IL17RE: variants seen among roughly 807,000 people sequenced by gnomAD.
IL17RE encodes the protein interleukin 17 receptor E.
In IL17RE, 47 loss-of-function variants were observed where a neutral mutation model predicts 70.7. The ratio of observed to expected loss-of-function variants is 0.67; its 90% CI spans 0.53 to 0.85. IL17RE has a LOEUF of 0.85. Ranked by LOEUF, IL17RE falls within the 40% of genes least tolerant of loss-of-function variation. The pLI is 0.00. For missense variants in IL17RE, 850 were observed against 893.9 expected (o/e 0.95, Z 0.63); for synonymous variants, 372 against 381.2 (o/e 0.98, Z 0.28).
In IL17RE at chr3:9,916,008, G is replaced by A. The variant is rs535100728; in HGVS notation, c.*201G>A. ...CCTCTTCCTCCTCATACTTTCCCTT[G>A]ACTGAGAGCTCCTCTAACCCCTGTT... On this transcript the variant is annotated 3_prime_UTR_variant, in exon 16 of 16. Transcript: ENST00000383814. 1.1e-6 allele frequency: 1 copy of A among 927,264 alleles called. No individual in the cohort carries two copies. The highest frequency in any genetic ancestry group is 1.5e-6 in the Non-Finnish European group (1 of 682,546). The allele number at this position is 927,264 out of a possible 1,614,324, so 57.4% of individuals were successfully genotyped here.
chr3:9,909,412 A>G (rs1055481745), intron 8 of IL17RE, 129 bp downstream of exon 8: 1 of 829,954 alleles, frequency 1.2e-6, no homozygotes, highest in African/African-American at 1.7e-5. Context: ...AGTCCCCAGA[A>G]GGCATGCAGG....
rs754754374 is a variant in IL17RE at position 9,914,452 on chromosome 3, G to C, written c.1297-96G>C. On this transcript the variant is annotated intron_variant, in intron 13 of 15. Transcript: ENST00000383814. Reference sequence around the variant, plus strand: ...CCACCTGGGAAGAATTCCCTAGCCAGTGGGGACTCCCCTCTCCCCCAGCTC... The same window carrying C: ...CCACCTGGGAAGAATTCCCTAGCCACTGGGGACTCCCCTCTCCCCCAGCTC... 11 of 1,565,754 alleles carry C rather than the reference G, an allele frequency of 7.0e-6. No homozygotes were observed. The African/African-American group carries it at 1.5e-4, about 21-fold the overall frequency.
chr3:9,905,369 T>C (rs2082729095), intron 3 of IL17RE, among the ~76,000 whole-genome samples: 1 of 151,666 alleles, frequency 6.6e-6, no homozygotes, highest in Non-Finnish European at 1.5e-5. Context: ...GGTGAGAGGA[T>C]TGCTTAAGCC....
At position 9,914,781 on chromosome 3, in the gene IL17RE, A is replaced by G. The variant is rs1399415538; in HGVS notation, c.1447+4A>G. 1.2e-6 allele frequency: 2 copies of G among 1,612,862 alleles called. No homozygotes were observed. The highest frequency in any genetic ancestry group is 1.7e-6 in the Non-Finnish European group (2 of 1,179,632). On this transcript the variant is annotated splice_donor_region_variant and intron_variant, in intron 15 of 15. Coordinates refer to ENST00000383814, the MANE Select transcript of IL17RE (RefSeq NM_153480.2). ...ACCTGCCGGCGCCCACAGTCAGGTA[A>G]GCTCACCTGGGGTAACCTGGGAAGT...
chr3:9,911,393 C>T lies in IL17RE; in HGVS notation c.1073-50C>T, dbSNP rs200740408. 733 of 1,612,696 alleles carry T rather than the reference C, an allele frequency of 4.5e-4. 2 individuals carry two copies. Among genetic ancestry groups the T allele is most frequent in the Non-Finnish European group, 3.1e-4 (361 of 1,178,784 alleles). ...CTAAACCCCAGCCCAGCCCTGAATT[C>T]ATCACCCAAAGCCCAACTCCTATCA... On this transcript the variant is annotated intron_variant, in intron 11 of 15. Coordinates refer to ENST00000383814, the MANE Select transcript of IL17RE (RefSeq NM_153480.2).
At position 9,911,044 on chromosome 3, in the gene IL17RE, A is replaced by T. The variant is rs188855234; in HGVS notation, c.978+4A>T. ...CACAGCTCGAGAGTCAGATGGGGTG[A>T]GGACAGGTTCCCCCAGGACCAGGGT... On this transcript the variant is annotated splice_donor_region_variant and intron_variant, in intron 9 of 15. Coordinates refer to ENST00000383814, the MANE Select transcript of IL17RE (RefSeq NM_153480.2). 2 of 1,614,110 alleles carry T rather than the reference A, an allele frequency of 1.2e-6. No homozygotes were observed. Among genetic ancestry groups the T allele is most frequent in the Admixed American group, 3.3e-5 (2 of 60,012 alleles).
rs145320586 is a variant in IL17RE at position 9,907,041 on chromosome 3, C to T, written c.607C>T (p.Arg203Cys). 6.8e-6 allele frequency: 11 copies of T among 1,614,118 alleles called. No homozygotes were observed. Among genetic ancestry groups the T allele is most frequent in the South Asian group, 2.2e-5 (2 of 91,070 alleles). ...TISSGPEVSV[R>C]LCHQWALECE... Reference sequence around the variant, plus strand: ...ATCTTCAGGCCCTGAGGTCAGCGTGCGTCTTTGTCACCAGTGGGCACTGGA... The same window carrying T: ...ATCTTCAGGCCCTGAGGTCAGCGTGTGTCTTTGTCACCAGTGGGCACTGGA... The change falls in exon 6 of 16, where the codon CGT (arginine) becomes TGT (cysteine). Residue 203 changes from arginine (R) to cysteine (C), a missense_variant. Transcript: ENST00000383814.
intron 6 of IL17RE, among the ~76,000 whole-genome samples, chr3:9,907,933 G>A (rs1333247011): frequency 2.0e-5 from 3 of 152,180 alleles, no homozygotes; most frequent in East Asian, 1.9e-4. Context: ...AGATCACTGT[G>A]ATGCTAGCAT....
At chr3:9,914,489 C>G in intron 13 of IL17RE, 59 bp from the exon 14 acceptor site, 2 of 1,605,420 alleles carry the variant, frequency 1.2e-6, no homozygotes, top group South Asian at 2.2e-5. Context: ...ATGCTTCACT[C>G]AGCTCCCCGG....
At position 9,904,140 on chromosome 3, in the gene IL17RE, C is replaced by T; in HGVS notation, c.257C>T (p.Ser86Leu). 6.2e-7 allele frequency: 1 copy of T among 1,614,144 alleles called. No individual in the cohort carries two copies. Among genetic ancestry groups the T allele is most frequent in the Non-Finnish European group, 8.5e-7 (1 of 1,180,008 alleles). The change falls in exon 3 of 16, where the codon TCA (serine) becomes TTA (leucine). Residue 86 changes from serine to leucine, a missense_variant. Physicochemically the swap from Ser to Leu is moderately radical, Grantham distance 145. Coordinates refer to ENST00000383814, the MANE Select transcript of IL17RE (RefSeq NM_153480.2). The stretch of plus-strand genomic sequence containing the variant: ...CGCTGTTTGTGCCAGCATCTGCTGT[C>T]AGGTGGCTCAGGTATGAGAAACAGC... ...CSRCLCQHLL[S>L]GGSGLQRGLF...
intron 1 of IL17RE, 89 bp downstream of exon 1, chr3:9,903,153 C>A: frequency 8.0e-7 from 1 of 1,246,878 alleles, no homozygotes; most frequent in Non-Finnish European, 1.2e-6. Flanking sequence ...CCTCCGCAGT[C>A]CCTGTGCTCT....
intron 3 of IL17RE, among the ~76,000 whole-genome samples, chr3:9,905,698 T>C (rs976332703): frequency 6.6e-6 from 1 of 152,024 alleles, no homozygotes; most frequent in East Asian, 1.9e-4. Flanking sequence ...CAGGCGTCTG[T>C]AGTCCCAGCT....
At position 9,915,218 on chromosome 3, in the gene IL17RE, G is replaced by T. The variant is rs368624416; in HGVS notation, c.1448-33G>T. Reference sequence around the variant, plus strand: ...AAGAGGGCTGAGCAGTCCCTCAGCCGCCCAGCCTTCATCTGTTGCTTCCCG... The same window carrying T: ...AAGAGGGCTGAGCAGTCCCTCAGCCTCCCAGCCTTCATCTGTTGCTTCCCG... On this transcript the variant is annotated intron_variant, in intron 15 of 15. Transcript: ENST00000383814. This position sits in a 1 kb window ranked among gnomAD's most constrained non-coding sequence, Gnocchi z 4.9. The T allele has an allele frequency of 1.5e-6, 2 of 1,367,360 alleles. No individual in the cohort carries two copies. The highest frequency in any genetic ancestry group is 3.0e-5 in the East Asian group (1 of 33,626). 84.7% of individuals were successfully genotyped at this position (1,367,360 alleles called of 1,614,324 possible).
Position 9,915,188 on chromosome 3 carries a change from G to T in IL17RE, c.1448-63G>T. On this transcript the variant is annotated intron_variant, in intron 15 of 15. Transcript: ENST00000383814. This position sits in a 1 kb window ranked among gnomAD's most constrained non-coding sequence, Gnocchi z 4.9. ...CACCCTACGGTATCCCGAGAGGGTG[G>T]GGAGAAGAGGGCTGAGCAGTCCCTC... is the stretch of plus-strand genomic sequence containing the variant. 1 of 1,343,588 alleles carries T rather than the reference G, an allele frequency of 7.4e-7. No individual in the cohort carries two copies. The highest frequency in any genetic ancestry group is 9.5e-7 in the Non-Finnish European group (1 of 1,051,250). 83.2% of individuals were successfully genotyped at this position (1,343,588 alleles called of 1,614,324 possible).
At chr3:9,902,413 G>C (rs918526342), upstream of IL17RE, among the ~76,000 whole-genome samples, 1 of 152,138 alleles carries the variant, frequency 6.6e-6, no homozygotes, top group Middle Eastern at 3.2e-3. Flanking sequence ...GTGCATCCTA[G>C]AGTGCTTTTT....
At chr3:9,911,834 C>T in intron 12 of IL17RE, 1 of 413,812 alleles carries the variant, frequency 2.4e-6, no homozygotes, top group Non-Finnish European at 4.3e-6. Flanking sequence ...CAGAGTCTCG[C>T]TCTGTCACCC....
intron 8 of IL17RE, 68 bp downstream of exon 8, chr3:9,909,351 A>G: frequency 8.0e-7 from 1 of 1,256,730 alleles, no homozygotes; most frequent in Non-Finnish European, 1.2e-6. Context: ...CTACACACAC[A>G]TGTACACACA....
intron 3 of IL17RE, among the ~76,000 whole-genome samples, chr3:9,905,827 T>A (rs2082740752): frequency 6.6e-6 from 1 of 151,544 alleles, no homozygotes; most frequent in Non-Finnish European, 1.5e-5. Context: ...CTCCAAAAAA[T>A]AAAAATTAAA....
chr3:9,909,530 T>G, intron 8 of IL17RE: 1 of 513,110 alleles, frequency 1.9e-6, no homozygotes, highest in Non-Finnish European at 3.5e-6. Context: ...AGTTTAGAAA[T>G]ATGAGGCCTA....
Sources: gnomAD v4.1 joint callset for allele counts (sites outside exome capture counted in the v4.1 genomes callset) on GRCh38, gnomAD v4.1.1 for gene constraint, Gnocchi (gnomAD v3.1) non-coding constraint, MANE v1.5 for transcripts, NCBI Gene and HGNC (gene_info 2026-07-23, HGNC 2026-07-21) for gene names.